The following FHAD1 variants were observed in gnomAD, a reference collection of about 807,000 sequenced individuals.
The protein encoded by FHAD1 is forkhead associated phosphopeptide binding domain 1.
In FHAD1, 146 loss-of-function variants were observed where a neutral mutation model predicts 191.3. That is an observed-to-expected ratio of 0.76 (90% CI 0.67 to 0.88). The LOEUF (loss-of-function observed/expected upper bound fraction) is 0.88. FHAD1 is among the 40% of genes least tolerant of loss of function. FHAD1 has a pLI of 0.00. For missense variants in FHAD1, 1,635 were observed against 1,785.8 expected, an observed-to-expected ratio of 0.92 and a Z score of 1.52; for synonymous variants, 616 against 672.3, an observed-to-expected ratio of 0.92 and a Z score of 1.29.
intron 1 of FHAD1, among the ~76,000 whole-genome samples, chr1:15,248,948 C>T (rs1023584824): frequency 6.6e-6 from 1 of 151,606 alleles, no homozygotes; most frequent in African/African-American, 2.4e-5. Flanking sequence ...TATCCCTATC[C>T]TCTCAGGATA....
intron 32 of FHAD1, among the ~76,000 whole-genome samples, chr1:15,389,022 G>A (rs965273904): frequency 2.0e-5 from 3 of 152,214 alleles, no homozygotes; most frequent in Admixed American, 1.3e-4. Flanking sequence ...TTAATCCAGG[G>A]ATGGATTGTG....
At chr1:15,236,760 C>T (rs750158047) in exon 1 of FHAD1, among the ~76,000 whole-genome samples, 1 of 152,162 alleles carries the variant, frequency 6.6e-6, no homozygotes, top group African/African-American at 2.4e-5. Flanking sequence ...TTTTCATTTA[C>T]GGTAACCAGT....
At chr1:15,294,355 G>A (rs988139761) in intron 4 of FHAD1, among the ~76,000 whole-genome samples, 13 of 152,214 alleles carry the variant, frequency 8.5e-5, no homozygotes, top group Admixed American at 1.3e-4. Context: ...TCTCGGCACT[G>A]CTGACATTTG....
At chr1:15,285,162 A>G (rs1661992202) in intron 3 of FHAD1, among the ~76,000 whole-genome samples, 1 of 152,198 alleles carries the variant, frequency 6.6e-6, no homozygotes, top group East Asian at 1.9e-4. Context: ...CTTGCTTATG[A>G]TAGAGTAGGC....
chr1:15,291,468 T>A (rs1664753685), intron 4 of FHAD1, among the ~76,000 whole-genome samples: 1 of 152,226 alleles, frequency 6.6e-6, no homozygotes, highest in Non-Finnish European at 1.5e-5. Context: ...CATTTTAAAA[T>A]AAGTTTCCTA....
chr1:15,364,893 C>T (rs996778289), intron 23 of FHAD1, among the ~76,000 whole-genome samples: 3 of 152,214 alleles, frequency 2.0e-5, no homozygotes, highest in Non-Finnish European at 4.4e-5. Flanking sequence ...CTCCACTGGG[C>T]GCAGCCTCCC....
chr1:15,397,151 A>G (rs1706284247), intron 33 of FHAD1, 146 bp from the exon 34 acceptor site: 1 of 387,154 alleles, frequency 2.6e-6, no homozygotes. Flanking sequence ...AGATCACACC[A>G]CTGCACTCCA....
At chr1:15,353,437 G>A (rs1188455479) in intron 20 of FHAD1, among the ~76,000 whole-genome samples, 5 of 152,124 alleles carry the variant, frequency 3.3e-5, no homozygotes, top group Non-Finnish European at 7.3e-5. Context: ...GGGCGCGGTG[G>A]CTCGCACATG....
chr1:15,320,482 G>GT (rs1675892540), intron 10 of FHAD1, among the ~76,000 whole-genome samples: 1 of 151,976 alleles, frequency 6.6e-6, no homozygotes, highest in South Asian at 2.1e-4. Context: ...GGATTTGTCT[G>GT]TTTCTTTTTT....
Position 15,289,486 on chromosome 1 carries a change from C to G in FHAD1, c.388C>G (p.Pro130Ala). 6.4e-7 allele frequency: 1 copy of G among 1,551,888 alleles called. No homozygotes were observed. Among genetic ancestry groups the G allele is most frequent in the Non-Finnish European group, 8.7e-7 (1 of 1,147,050 alleles). ...ATQQPNQAPPPSHIPFHQGVQ... is the reference protein window; with the variant it reads ...ATQQPNQAPPASHIPFHQGVQ... ...ACAGCAGCCAAACCAGGCCCCCCCA[C>G]CATCACATATCCCCTTCCACCAAGG... Residue 130 changes from proline to alanine, a missense_variant, in exon 4 of 34, where the codon CCA (proline) becomes GCA (alanine). Physicochemically the swap from Pro to Ala is conservative, Grantham distance 27. Transcript: ENST00000688493. This position sits in a 1 kb window ranked among gnomAD's most constrained non-coding sequence, Gnocchi z 4.2.
intron 11 of FHAD1, chr1:15,326,340 A>G (rs1678579407): frequency 6.6e-6 from 1 of 152,238 alleles, no homozygotes. Flanking sequence ...TAATGGAATC[A>G]GGACACCTTG....
intron 14 of FHAD1, chr1:15,334,713 T>C (rs1257188431): frequency 6.6e-6 from 1 of 152,278 alleles, no homozygotes; most frequent in Non-Finnish European, 1.5e-5. Context: ...GTTGACTTCA[T>C]CTGACCTAAA....
chr1:15,261,673 C>T (rs1206129646), intron 2 of FHAD1, among the ~76,000 whole-genome samples: 1 of 152,198 alleles, frequency 6.6e-6, no homozygotes, highest in Non-Finnish European at 1.5e-5. Flanking sequence ...GACAAACTTC[C>T]TCTTTCCCTC....
At chr1:15,382,281 G>C (rs1701099320) in intron 31 of FHAD1, 88 bp downstream of exon 31, 1 of 1,347,204 alleles carries the variant, frequency 7.4e-7, no homozygotes, top group Non-Finnish European at 1.0e-6. Flanking sequence ...GGAGGATCCA[G>C]GTAGCACAGA....
chr1:15,269,130 T>C (rs182150173), intron 2 of FHAD1, among the ~76,000 whole-genome samples: 1 of 152,272 alleles, frequency 6.6e-6, no homozygotes, highest in Non-Finnish European at 1.5e-5. Flanking sequence ...CAACTTTTGT[T>C]TTCTTTGATT....
chr1:15,328,472 A>G, intron 13 of FHAD1, 43 bp downstream of exon 13: 2 of 1,349,018 alleles, frequency 1.5e-6, no homozygotes, highest in Non-Finnish European at 1.9e-6. Flanking sequence ...TCTTTGTCTA[A>G]TTTTTGTGCG....
At chr1:15,340,194 A>G (rs966852833) in intron 15 of FHAD1, among the ~76,000 whole-genome samples, 1 of 152,260 alleles carries the variant, frequency 6.6e-6, no homozygotes, top group African/African-American at 2.4e-5. Flanking sequence ...TCTATAGCAC[A>G]GGCAGCAGAA....
intron 33 of FHAD1, among the ~76,000 whole-genome samples, chr1:15,396,157 A>G (rs570062516): frequency 1.3e-5 from 2 of 152,190 alleles, no homozygotes; most frequent in East Asian, 3.9e-4. Context: ...AAAAAGTAAA[A>G]TAAAATAAAA....
At chr1:15,359,207 G>T (rs1220858372) in intron 21 of FHAD1, among the ~76,000 whole-genome samples, 1 of 152,116 alleles carries the variant, frequency 6.6e-6, no homozygotes, top group Non-Finnish European at 1.5e-5. Flanking sequence ...CGAGGATAGG[G>T]CATCAAAGTC....
Sources: gnomAD v4.1 joint callset for allele counts (sites outside exome capture counted in the v4.1 genomes callset) on GRCh38, gnomAD v4.1.1 for gene constraint, Gnocchi (gnomAD v3.1) non-coding constraint, MANE v1.5 for transcripts, NCBI Gene and HGNC (gene_info 2026-07-23, HGNC 2026-07-21) for gene names.